Variants in EXOC4 observed in about 807,000 individuals in gnomAD.
EXOC4 encodes SEC8-like 1.
A neutral mutation model predicts 107.2 loss-of-function variants in EXOC4; 71 were observed. The observed-to-expected ratio is 0.66, with a 90% confidence interval of 0.55 to 0.81. The LOEUF (loss-of-function observed/expected upper bound fraction) is 0.81. Among genes scored for constraint, EXOC4 ranks in the 30% least tolerant of loss-of-function variants. The pLI, the probability that EXOC4 is intolerant of heterozygous loss-of-function variation, is 0.00. For missense variants in EXOC4, 1,108 were observed against 1,189.6 expected, an observed-to-expected ratio of 0.93 and a Z score of 1.01; for synonymous variants, 456 against 441.2, an observed-to-expected ratio of 1.03 and a Z score of -0.42.
chr7:133,971,334 GTATATATATA>G lies in EXOC4; in HGVS notation c.2207-26139_2207-26130del, dbSNP rs1206467959. Among the ~76,000 whole-genome samples the G allele has an allele frequency of 1.7e-4, 7 of 41,796 alleles. 1 individual carries two copies. The highest frequency in any genetic ancestry group is 6.9e-4 in the African/African-American group (7 of 10,188). The allele number at this position is 41,796 out of a possible 152,430, so 27.4% of individuals were successfully genotyped here. A position where few individuals can be genotyped will look rare whatever the true frequency, so the allele number is the denominator to read the frequency against. On this transcript the variant is annotated intron_variant, in intron 14 of 17. Transcript: ENST00000253861. ...CTTATAAGAAATGTGGGGAAAATGT[GTATATATATA>G]TATATATATATATATATAGAGAGAG... is the stretch of plus-strand genomic sequence containing the variant.
intron 10 of EXOC4, among the ~76,000 whole-genome samples, chr7:133,744,476 G>C (rs1795634316): frequency 6.6e-6 from 1 of 152,166 alleles, no homozygotes; most frequent in African/African-American, 2.4e-5. Flanking sequence ...AATGTACGAA[G>C]CTGGTATTAA....
the EXOC4 span, among the ~76,000 whole-genome samples, chr7:134,077,593 T>C: frequency 0.025 from 3,877 of 152,210 alleles, 136 homozygotes; most frequent in African/African-American, 0.08. Flanking sequence ...CTCCAAAAAA[T>C]TGGGCCCAGA....
intron 10 of EXOC4, among the ~76,000 whole-genome samples, chr7:133,638,719 G>A (rs1201726749): frequency 1.3e-5 from 2 of 152,062 alleles, no homozygotes; most frequent in Non-Finnish European, 2.9e-5. Flanking sequence ...GACTGTTAAA[G>A]GAAAAAGAAA....
chr7:133,584,046 G>T (rs1292756286), intron 9 of EXOC4, among the ~76,000 whole-genome samples: 6 of 152,148 alleles, frequency 3.9e-5, no homozygotes, highest in Non-Finnish European at 5.9e-5. Flanking sequence ...TCAGAAAATT[G>T]CATGCTGGAG....
intron 14 of EXOC4, among the ~76,000 whole-genome samples, chr7:133,969,098 GT>G (rs1263775187): frequency 6.6e-6 from 1 of 151,938 alleles, no homozygotes; most frequent in East Asian, 1.9e-4. Flanking sequence ...TTGATCTTCA[GT>G]CTCTGATATC....
At chr7:133,659,420 G>A (rs1305533396) in intron 10 of EXOC4, among the ~76,000 whole-genome samples, 2 of 151,996 alleles carry the variant, frequency 1.3e-5, no homozygotes, top group Non-Finnish European at 2.9e-5. Flanking sequence ...ATGCTCTAAG[G>A]GCCTTGTCCC....
At chr7:133,720,646 A>G (rs914383195) in intron 10 of EXOC4, among the ~76,000 whole-genome samples, 2 of 152,238 alleles carry the variant, frequency 1.3e-5, no homozygotes, top group Non-Finnish European at 2.9e-5. Context: ...CCAAAGAAAA[A>G]TAAATTTCAA....
intron 5 of EXOC4, among the ~76,000 whole-genome samples, chr7:133,325,172 A>T (rs1363558934): frequency 6.6e-6 from 1 of 152,162 alleles, no homozygotes; most frequent in African/African-American, 2.4e-5. Context: ...CCAATTTGTC[A>T]GTCTGTTTCT....
intron 7 of EXOC4, among the ~76,000 whole-genome samples, chr7:133,473,237 CA>C (rs1231690232): frequency 6.6e-6 from 1 of 152,138 alleles, no homozygotes; most frequent in East Asian, 1.9e-4. Context: ...TCTCCCTGAT[CA>C]TTGGGTAGTT....
At chr7:133,325,241 GGTCCTGTCATTATGATGTTA>G (rs1306859637) in intron 5 of EXOC4, among the ~76,000 whole-genome samples, 2 of 152,152 alleles carry the variant, frequency 1.3e-5, no homozygotes, top group African/African-American at 4.8e-5. Flanking sequence ...GTGTGAATTT[GGTCCTGTCATTATGATGTTA>G]GCTGGTTATT....
intron 7 of EXOC4, among the ~76,000 whole-genome samples, chr7:133,378,361 G>C (rs1796537154): frequency 6.7e-6 from 1 of 150,158 alleles, no homozygotes; most frequent in African/African-American, 2.5e-5. Context: ...ATACCAGATG[G>C]TAACTTAGAT....
At chr7:133,604,967 C>T (rs1453386287) in intron 9 of EXOC4, among the ~76,000 whole-genome samples, 1 of 151,856 alleles carries the variant, frequency 6.6e-6, no homozygotes, top group Non-Finnish European at 1.5e-5. Context: ...TCAGGTGATC[C>T]ACCCACCTCG....
chr7:133,404,192 C>T (rs544776133), intron 7 of EXOC4, among the ~76,000 whole-genome samples: 36 of 152,092 alleles, frequency 2.4e-4, no homozygotes, highest in African/African-American at 5.6e-4. Flanking sequence ...CTCCGCTTCC[C>T]GGTTTCACGC....
chr7:133,317,257 G>A (rs768557791), intron 4 of EXOC4, 27 bp from the exon 5 acceptor site: 14 of 1,532,702 alleles, frequency 9.1e-6, no homozygotes, highest in South Asian at 3.4e-5. Context: ...GAAGAAAGTG[G>A]TAACTAGTGC....
intron 10 of EXOC4, among the ~76,000 whole-genome samples, chr7:133,656,411 A>G (rs146757457): frequency 3.1e-4 from 47 of 152,224 alleles, no homozygotes; most frequent in Admixed American, 1.0e-3. Context: ...GTGTGTGTGT[A>G]TATATATAAC....
At chr7:134,012,217 T>C (rs1358639119) in intron 17 of EXOC4, among the ~76,000 whole-genome samples, 2 of 152,080 alleles carry the variant, frequency 1.3e-5, no homozygotes, top group Admixed American at 6.5e-5. Flanking sequence ...CTGGCCGCGA[T>C]GTTGAAACTA....
chr7:133,983,988 T>G (rs1423037776), intron 14 of EXOC4, among the ~76,000 whole-genome samples: 2 of 152,268 alleles, frequency 1.3e-5, no homozygotes, highest in Admixed American at 1.3e-4. Flanking sequence ...TAGGGAGGAT[T>G]ATTTGGAATA....
At chr7:133,507,272 T>A (rs558492421) in intron 9 of EXOC4, among the ~76,000 whole-genome samples, 3 of 152,190 alleles carry the variant, frequency 2.0e-5, no homozygotes, top group Non-Finnish European at 2.9e-5. Flanking sequence ...TAAAAAAATT[T>A]CCTATTAACA....
At chr7:133,648,685 T>C (rs536660811) in intron 10 of EXOC4, among the ~76,000 whole-genome samples, 1 of 152,330 alleles carries the variant, frequency 6.6e-6, no homozygotes, top group African/African-American at 2.4e-5. Flanking sequence ...TACATTTATA[T>C]ATTTATTTGG....
Sources: allele counts gnomAD v4.1 joint callset (sites outside exome capture counted in the v4.1 genomes callset), GRCh38; gene constraint gnomAD v4.1.1; transcripts MANE v1.5; gene names NCBI Gene and HGNC (gene_info 2026-07-23, HGNC 2026-07-21).